Variants in QKI observed in about 807,000 individuals in gnomAD.
QKI encodes the protein QKI, KH domain containing RNA binding, also known as KH domain-containing RNA-binding protein QKI.
In QKI, 10 loss-of-function variants were observed where a neutral mutation model predicts 39.0. The ratio of observed to expected loss-of-function variants is 0.26; its 90% confidence interval spans 0.16 to 0.43. The LOEUF (loss-of-function observed/expected upper bound fraction) is 0.43. Among genes scored for constraint, QKI ranks in the 20% least tolerant of loss-of-function variants. QKI has a pLI of 1.00. For missense variants in QKI, 218 were observed against 428.0 expected (o/e 0.51, Z 4.33); for synonymous variants, 204 against 155.4 (o/e 1.31, Z -2.33).
At chr6:163,538,575 A>T (rs1390013999) in intron 4 of QKI, among the ~76,000 whole-genome samples, 5 of 152,172 alleles carry the variant, frequency 3.3e-5, no homozygotes, top group Non-Finnish European at 7.4e-5. Flanking sequence ...ATTGGGTTTT[A>T]GTCCGAGATG....
At chr6:163,456,965 T>A (rs1342843344) in intron 2 of QKI, among the ~76,000 whole-genome samples, 1 of 152,096 alleles carries the variant, frequency 6.6e-6, no homozygotes, top group Non-Finnish European at 1.5e-5. Context: ...CCTTTCTGAC[T>A]GGGGAAGTGA....
At position 163,415,289 on chromosome 6, in the gene QKI, C is replaced by T. The variant is rs753806599; in HGVS notation, c.96C>T (p.Pro32=). The T allele has an allele frequency of 6.9e-5, 110 of 1,595,464 alleles. No individual in the cohort carries two copies. The highest frequency in any genetic ancestry group is 9.2e-5 in the Non-Finnish European group (108 of 1,168,320). The change falls in exon 1 of 8, where the codon CCC becomes CCT. Residue 32 remains proline (P), a synonymous_variant. Coordinates refer to ENST00000361752, the MANE Select transcript of QKI (RefSeq NM_006775.3). ...MNDKKLMSSL[P]NFCGIFNHLE... is the part of the protein sequence containing the mutation. ...ACAAGAAGCTCATGAGCAGCCTGCCCAACTTCTGCGGGATCTTCAACCACC... is the reference window on the plus strand; with the variant it reads ...ACAAGAAGCTCATGAGCAGCCTGCCTAACTTCTGCGGGATCTTCAACCACC...
intron 1 of QKI, among the ~76,000 whole-genome samples, chr6:163,439,654 T>TC (rs1352275303): frequency 7.5e-6 from 1 of 132,564 alleles, no homozygotes; most frequent in Non-Finnish European, 1.6e-5. Flanking sequence ...GCGTCCTGAA[T>TC]CCTTTTTTTT....
chr6:163,461,589 T>G (rs940123906), intron 2 of QKI, among the ~76,000 whole-genome samples: 4 of 152,232 alleles, frequency 2.6e-5, no homozygotes, highest in Non-Finnish European at 5.9e-5. Context: ...TAATTTGATA[T>G]CTACTCATAG....
chr6:163,562,166 G>A (rs1170577856), intron 5 of QKI, 97 bp downstream of exon 5: 6 of 730,860 alleles, frequency 8.2e-6, no homozygotes, highest in Non-Finnish European at 1.1e-5. Flanking sequence ...TTCATACAAA[G>A]TGAACAGTTG....
At chr6:163,500,428 C>A (rs1778690101) in intron 3 of QKI, among the ~76,000 whole-genome samples, 1 of 152,132 alleles carries the variant, frequency 6.6e-6, no homozygotes, top group Non-Finnish European at 1.5e-5. Context: ...AATTCTTCAA[C>A]ATTTGCTAAT....
chr6:163,522,141 T>G (rs919651653), intron 3 of QKI, among the ~76,000 whole-genome samples: 5 of 152,166 alleles, frequency 3.3e-5, no homozygotes, highest in African/African-American at 1.2e-4. Context: ...AAAATAAGAT[T>G]TCAAAAAATA....
intron 1 of QKI, among the ~76,000 whole-genome samples, chr6:163,418,894 A>G (rs1007985950): frequency 1.3e-5 from 2 of 152,150 alleles, no homozygotes; most frequent in East Asian, 1.9e-4. Flanking sequence ...AAAATGGAGA[A>G]CTAGTATTTT....
chr6:163,492,774 G>A (rs939638040), intron 3 of QKI, among the ~76,000 whole-genome samples: 1 of 152,122 alleles, frequency 6.6e-6, no homozygotes, highest in African/African-American at 2.4e-5. Flanking sequence ...TAATAGACAA[G>A]TGAGTAAACG....
intron 4 of QKI, among the ~76,000 whole-genome samples, chr6:163,540,846 C>G (rs1232509874): frequency 1.3e-5 from 2 of 152,002 alleles, no homozygotes; most frequent in African/African-American, 4.8e-5. Flanking sequence ...AGGTTTTTAT[C>G]TAGTCTAAAT....
intron 1 of QKI, among the ~76,000 whole-genome samples, chr6:163,432,878 A>C (rs1006503235): frequency 2.0e-5 from 3 of 152,168 alleles, no homozygotes; most frequent in Non-Finnish European, 1.5e-5. Flanking sequence ...GAATAGACTA[A>C]ATTTTGAAGG....
At chr6:163,467,669 A>G (rs79036520) in intron 2 of QKI, among the ~76,000 whole-genome samples, 2,208 of 152,284 alleles carry the variant, frequency 0.014, 49 homozygotes, top group African/African-American at 0.051. Flanking sequence ...TAAATTAGCT[A>G]TTTCTCCAGG....
intron 3 of QKI, among the ~76,000 whole-genome samples, chr6:163,531,333 T>TG (rs1170385306): frequency 1.3e-5 from 2 of 152,212 alleles, no homozygotes; most frequent in African/African-American, 4.8e-5. Flanking sequence ...GTTCTCCTAA[T>TG]GCAGTTTGAG....
At chr6:163,557,439 A>G (rs1382791328) in intron 4 of QKI, among the ~76,000 whole-genome samples, 3 of 152,362 alleles carry the variant, frequency 2.0e-5, no homozygotes, top group Non-Finnish European at 4.4e-5. Context: ...CACAGAAAGA[A>G]TCTTCACATG....
chr6:163,467,189 G>A (rs770427476), intron 2 of QKI, among the ~76,000 whole-genome samples: 1 of 152,190 alleles, frequency 6.6e-6, no homozygotes, highest in Non-Finnish European at 1.5e-5. Context: ...GTACATGCGT[G>A]GGCACAGTAG....
chr6:163,504,585 G>A (rs564921190), intron 3 of QKI, among the ~76,000 whole-genome samples: 1 of 152,196 alleles, frequency 6.6e-6, no homozygotes, highest in South Asian at 2.1e-4. Flanking sequence ...TTAACTTCTT[G>A]GCTGGATGTA....
At chr6:163,415,447 C>G in intron 1 of QKI, 112 bp downstream of exon 1, 1 of 1,015,640 alleles carries the variant, frequency 9.8e-7, no homozygotes, top group Non-Finnish European at 1.3e-6. Flanking sequence ...GACCGAGCGC[C>G]GGGGGGACTG....
intron 3 of QKI, among the ~76,000 whole-genome samples, chr6:163,499,546 G>A (rs1778615709): frequency 6.6e-6 from 1 of 152,180 alleles, no homozygotes; most frequent in Admixed American, 6.5e-5. Flanking sequence ...TGTTTTGTTA[G>A]CATCACTGAC....
At chr6:163,469,539 C>T (rs1792028088) in intron 2 of QKI, among the ~76,000 whole-genome samples, 1 of 152,172 alleles carries the variant, frequency 6.6e-6, no homozygotes, top group South Asian at 2.1e-4. Flanking sequence ...TTTTCACAGA[C>T]TTCTTGAGAG....
Sources: allele counts gnomAD v4.1 joint callset (sites outside exome capture counted in the v4.1 genomes callset), GRCh38; gene constraint gnomAD v4.1.1; transcripts MANE v1.5; gene names NCBI Gene and HGNC (gene_info 2026-07-23, HGNC 2026-07-21).